The following AGO4 variants were observed in gnomAD, a reference collection of about 807,000 sequenced individuals.
AGO4 encodes the protein argonaute RISC component 4.
A neutral mutation model predicts 104.7 loss-of-function variants in AGO4; 33 were observed. The ratio of observed to expected loss-of-function variants is 0.32; its 90% CI spans 0.24 to 0.42. The LOEUF is 0.42. AGO4 is among the 10% of genes least tolerant of loss of function. AGO4 has a pLI of 1.00. For synonymous variants in AGO4, 331 were observed against 364.7 expected (o/e 0.91, Z 1.05); for missense variants, 711 against 1,083.4 (o/e 0.66, Z 4.83).
At chr1:35,811,723 C>A (rs1643514760) in intron 1 of AGO4, among the ~76,000 whole-genome samples, 1 of 152,022 alleles carries the variant, frequency 6.6e-6, no homozygotes, top group South Asian at 2.1e-4. Flanking sequence ...CTGCCTCAGC[C>A]TCCCGAGTAG....
intron 7 of AGO4, among the ~76,000 whole-genome samples, chr1:35,830,834 T>C (rs915309122): frequency 9.9e-5 from 15 of 151,394 alleles, no homozygotes; most frequent in Non-Finnish European, 1.3e-4. Flanking sequence ...AAATTATAGG[T>C]GGTGGCGCGC....
chr1:35,815,137 C>T (rs1306458119), intron 1 of AGO4, among the ~76,000 whole-genome samples: 1 of 152,160 alleles, frequency 6.6e-6, no homozygotes, highest in African/African-American at 2.4e-5. Flanking sequence ...CTTGGCCTCC[C>T]GAAGTGCTGG....
intron 1 of AGO4, among the ~76,000 whole-genome samples, chr1:35,813,339 G>A (rs986559432): frequency 6.6e-6 from 1 of 151,856 alleles, no homozygotes; most frequent in South Asian, 2.1e-4. Context: ...AACCCGGGAG[G>A]CAGAGCTTGC....
intron 1 of AGO4, among the ~76,000 whole-genome samples, chr1:35,816,474 C>G (rs1048103425): frequency 2.6e-5 from 4 of 151,976 alleles, no homozygotes; most frequent in African/African-American, 4.8e-5. Flanking sequence ...ATAACTGTAG[C>G]CATCATCATC....
rs1182835875 is a variant in AGO4 at position 35,855,947 on chromosome 1, G to C, written c.*2342G>C. 1 of 152,228 alleles carries C rather than the reference G, an allele frequency of 6.6e-6. No individual in the cohort carries two copies. The highest frequency in any genetic ancestry group is 1.5e-5 in the Non-Finnish European group (1 of 68,040). 9.4% of individuals were successfully genotyped at this position (152,228 alleles called of 1,614,324 possible). ...CGGGCTTGCTTATTAATAACGCACA[G>C]AAGAAGCATCACTTCTCACCATCTC... On this transcript the variant is annotated 3_prime_UTR_variant, in exon 18 of 18. Coordinates refer to ENST00000373210, the MANE Select transcript of AGO4 (RefSeq NM_017629.4).
rs191533563 is a variant in AGO4 at position 35,850,795 on chromosome 1, A to C, written c.2278-59A>C. On this transcript the variant is annotated intron_variant, in intron 16 of 17. Coordinates refer to ENST00000373210, the MANE Select transcript of AGO4 (RefSeq NM_017629.4). ...GACTCCATCTCAAAAAAAAAAAAAAAAAAACAAAAACAAAAAACGAACAAA... is the reference window on the plus strand; with the variant it reads ...GACTCCATCTCAAAAAAAAAAAAAACAAAACAAAAACAAAAAACGAACAAA... The C allele has an allele frequency of 2.0e-3, 2,081 of 1,065,776 alleles. 22 individuals carry two copies. The African/African-American group carries it at 0.038, about 19-fold the overall frequency. 66.0% of individuals were successfully genotyped at this position (1,065,776 alleles called of 1,614,324 possible). A position where few individuals can be genotyped will look rare whatever the true frequency, so the allele number is the denominator to read the frequency against.
intron 1 of AGO4, among the ~76,000 whole-genome samples, chr1:35,814,307 T>C (rs2148649393): frequency 6.6e-6 from 1 of 151,944 alleles, no homozygotes; most frequent in Admixed American, 6.5e-5. Flanking sequence ...GGTTCATTTC[T>C]TTTTTTTAAA....
In AGO4 at chr1:35,808,120, C is replaced by A. The variant is rs1461410127; in HGVS notation, c.-297C>A. 2.0e-5 allele frequency: 3 copies of A among 152,142 alleles called. No individual in the cohort carries two copies. Among genetic ancestry groups the A allele is most frequent in the African/African-American group, 7.3e-5 (3 of 40,994 alleles). The allele number at this position is 152,142 out of a possible 1,614,324, so 9.4% of individuals were successfully genotyped here. A position where few individuals can be genotyped will look rare whatever the true frequency, so the allele number is the denominator to read the frequency against. On this transcript the variant is annotated 5_prime_UTR_variant, in exon 1 of 18. Transcript: ENST00000373210. This position sits in a 1 kb window ranked among gnomAD's most constrained non-coding sequence, Gnocchi z 5.2. Reference sequence around the variant, plus strand: ...GACCCTGGGTCCGCGCACCCCGCGCCCCCTTCCCTCCCGGCGGGCGCGCGC... The same window carrying A: ...GACCCTGGGTCCGCGCACCCCGCGCACCCTTCCCTCCCGGCGGGCGCGCGC...
At chr1:35,838,922 T>C (rs749809547) in intron 13 of AGO4, among the ~76,000 whole-genome samples, 1 of 150,886 alleles carries the variant, frequency 6.6e-6, no homozygotes, top group Non-Finnish European at 1.5e-5. Context: ...ACAGTTCTCT[T>C]TTTTTTTTAA....
At chr1:35,846,143 CTATT>C (rs1321824227) in intron 15 of AGO4, among the ~76,000 whole-genome samples, 3 of 152,216 alleles carry the variant, frequency 2.0e-5, no homozygotes, top group Non-Finnish European at 2.9e-5. Context: ...TCTAAACCTT[CTATT>C]TATTGTTTTA....
chr1:35,810,481 C>T (rs1261570495), intron 1 of AGO4, among the ~76,000 whole-genome samples: 2 of 152,120 alleles, frequency 1.3e-5, no homozygotes, highest in African/African-American at 4.8e-5. Flanking sequence ...CAGTTTCTGC[C>T]AATACTCAGA....
intron 13 of AGO4, among the ~76,000 whole-genome samples, chr1:35,837,837 TCTC>T (rs751092786): frequency 9.2e-5 from 14 of 152,110 alleles, no homozygotes; most frequent in Non-Finnish European, 1.9e-4. Flanking sequence ...CAGATTATCT[TCTC>T]CTAGTCTGTG....
At chr1:35,832,622 T>A in intron 11 of AGO4, 52 bp downstream of exon 11, 2 of 1,596,218 alleles carry the variant, frequency 1.3e-6, no homozygotes, top group South Asian at 2.3e-5. Flanking sequence ...GATATGAAAA[T>A]ACTGTCTTTA....
At chr1:35,847,780 TC>T (rs553834369) in intron 15 of AGO4, among the ~76,000 whole-genome samples, 2 of 152,300 alleles carry the variant, frequency 1.3e-5, no homozygotes, top group East Asian at 1.9e-4. Context: ...TTAATTTTTT[TC>T]ATATTAAAAT....
Position 35,817,046 on chromosome 1 carries a change from A to G in AGO4, c.184A>G (p.Arg62Gly), listed in dbSNP as rs1404737938. 3 of 1,601,486 alleles carry G rather than the reference A, an allele frequency of 1.9e-6. No homozygotes were observed. Among genetic ancestry groups the G allele is most frequent in the African/African-American group, 1.4e-5 (1 of 74,024 alleles). ...TGAAAAACGGCCTCGTAGAGTCAAC[A>G]GGTAAGGATTAGAAACAGTGGATTT... ...KPEKRPRRVNREVVDTMVRHF... is the reference protein window; with the variant it reads ...KPEKRPRRVNGEVVDTMVRHF... Residue 62 changes from arginine to glycine, a missense_variant and splice_region_variant, in exon 2 of 18, where the codon AGG becomes GGG. Arg to Gly is a moderately radical substitution (Grantham distance 125). Transcript: ENST00000373210.
chr1:35,850,780 C>CAA (rs796652586), intron 16 of AGO4, 74 bp from the exon 17 acceptor site: 31,130 of 523,058 alleles, frequency 0.06, 12 homozygotes, highest in East Asian at 0.16. Flanking sequence ...GACTCCATCT[C>CAA]AAAAAAAAAA....
chr1:35,848,664 A>C lies in AGO4; in HGVS notation c.2176-1493A>C, dbSNP rs556395554. Among the ~76,000 whole-genome samples, 26 of 152,222 alleles carry C rather than the reference A, an allele frequency of 1.7e-4. 1 individual carries two copies. The highest frequency in any genetic ancestry group is 1.6e-3 in the Admixed American group (25 of 15,274). On this transcript the variant is annotated intron_variant, in intron 15 of 17. Coordinates refer to ENST00000373210, the MANE Select transcript of AGO4 (RefSeq NM_017629.4). Reference sequence around the variant, plus strand: ...TTTTTTTTTTTTTAAGGGTAAAATAAATTTAGAAAATGCTATATACTTTAT... The same window carrying C: ...TTTTTTTTTTTTTAAGGGTAAAATACATTTAGAAAATGCTATATACTTTAT...
Position 35,853,478 on chromosome 1 carries a change from T to G in AGO4, c.2478-19T>G. On this transcript the variant is annotated intron_variant, in intron 17 of 17. Coordinates refer to ENST00000373210, the MANE Select transcript of AGO4 (RefSeq NM_017629.4). Reference sequence around the variant, plus strand: ...TTGTTTGTTTTGCTTTGTTTTGTTTTGTTTTATTCTCTTTACAGTGCGGAA... The same window carrying G: ...TTGTTTGTTTTGCTTTGTTTTGTTTGGTTTTATTCTCTTTACAGTGCGGAA... 1 of 1,571,268 alleles carries G rather than the reference T, an allele frequency of 6.4e-7. No homozygotes were observed. The highest frequency in any genetic ancestry group is 1.2e-5 in the South Asian group (1 of 84,914).
rs576657985 is a variant in AGO4 at position 35,844,914 on chromosome 1, A to G, written c.2175+3164A>G. Reference sequence around the variant, plus strand: ...CTTTCTATCTGTACTTTCTCACATCAAACTTTAATTTTCTGTAGCCTAACT... The same window carrying G: ...CTTTCTATCTGTACTTTCTCACATCGAACTTTAATTTTCTGTAGCCTAACT... On this transcript the variant is annotated intron_variant, in intron 15 of 17. Coordinates refer to ENST00000373210, the MANE Select transcript of AGO4 (RefSeq NM_017629.4). 5.3e-5 allele frequency among the ~76,000 whole-genome samples: 8 copies of G among 152,266 alleles called. No homozygotes were observed. In the East Asian group the frequency reaches 1.5e-3, roughly 29 times the overall value.
Sources: gnomAD v4.1 joint callset for allele counts (sites outside exome capture counted in the v4.1 genomes callset) on GRCh38, gnomAD v4.1.1 for gene constraint, Gnocchi (gnomAD v3.1) non-coding constraint, MANE v1.5 for transcripts, NCBI Gene and HGNC (gene_info 2026-07-23, HGNC 2026-07-21) for gene names.